FRMD4B: variants seen among roughly 807,000 people sequenced by gnomAD.
The protein encoded by FRMD4B is FERM domain-containing protein 4B.
Under a neutral mutation model 141.5 loss-of-function variants are expected in FRMD4B, and 74 were observed. The ratio of observed to expected loss-of-function variants is 0.52; its 90% CI spans 0.43 to 0.63. The LOEUF is 0.63. Among genes scored for constraint, FRMD4B ranks in the 30% least tolerant of loss-of-function variants. The probability of loss-of-function intolerance (pLI) is 0.00; values close to 1 mark genes in which losing one functional copy is unlikely to be tolerated. For synonymous variants in FRMD4B, 506 were observed against 467.9 expected, an observed-to-expected ratio of 1.08 and a Z score of -1.05; for missense variants, 1,366 against 1,253.4, an observed-to-expected ratio of 1.09 and a Z score of -1.36.
intron 1 of FRMD4B, among the ~76,000 whole-genome samples, chr3:69,318,398 T>A (rs1396788428): frequency 6.6e-6 from 1 of 152,004 alleles, no homozygotes; most frequent in Admixed American, 6.5e-5. Context: ...GAGAAAGTCA[T>A]CTACTCATAA....
chr3:69,276,528 GC>G (rs1479626590), intron 5 of FRMD4B, among the ~76,000 whole-genome samples: 45 of 152,218 alleles, frequency 3.0e-4, no homozygotes, highest in African/African-American at 1.0e-3. Flanking sequence ...CCTGTCCTCA[GC>G]CTCCCAAAGT....
intron 1 of FRMD4B, among the ~76,000 whole-genome samples, chr3:69,367,972 G>T (rs1214986006): frequency 6.6e-6 from 1 of 152,080 alleles, no homozygotes; most frequent in East Asian, 1.9e-4. Flanking sequence ...CTTATTTTAG[G>T]TAATTTCACC....
At chr3:69,281,202 C>T (rs7634278) in intron 5 of FRMD4B, among the ~76,000 whole-genome samples, 112,548 of 151,964 alleles carry the variant, frequency 0.74, 42,036 homozygotes, top group East Asian at 0.97. Context: ...CCAAAAGTGC[C>T]GGGATTACAG....
chr3:69,478,164 T>C (rs1706035982), intron 1 of FRMD4B, among the ~76,000 whole-genome samples: 1 of 152,184 alleles, frequency 6.6e-6, no homozygotes, highest in Non-Finnish European at 1.5e-5. Flanking sequence ...AGCTCCTGGA[T>C]TTATTGATTT....
chr3:69,457,184 T>C (rs1457724388), intron 1 of FRMD4B, among the ~76,000 whole-genome samples: 2 of 152,242 alleles, frequency 1.3e-5, no homozygotes, highest in Non-Finnish European at 2.9e-5. Context: ...TATTCATGTT[T>C]ACCAATACAG....
chr3:69,440,785 G>A (rs1705330730), intron 1 of FRMD4B, among the ~76,000 whole-genome samples: 1 of 152,062 alleles, frequency 6.6e-6, no homozygotes, highest in African/African-American at 2.4e-5. Flanking sequence ...TCCAGCCTTG[G>A]CAACAGAGCA....
intron 5 of FRMD4B, among the ~76,000 whole-genome samples, chr3:69,269,520 T>TC (rs1421402328): frequency 4.6e-5 from 7 of 152,150 alleles, no homozygotes; most frequent in South Asian, 2.1e-4. Flanking sequence ...GATACCCGCT[T>TC]CCCCCATGTC....
intron 7 of FRMD4B, among the ~76,000 whole-genome samples, chr3:69,237,548 T>A (rs1334849863): frequency 6.6e-6 from 1 of 152,194 alleles, no homozygotes; most frequent in African/African-American, 2.4e-5. Flanking sequence ...GGTGTGAGCA[T>A]GCAAAGAAGG....
intron 1 of FRMD4B, among the ~76,000 whole-genome samples, chr3:69,434,730 A>T (rs1018454513): frequency 2.0e-5 from 3 of 152,220 alleles, no homozygotes; most frequent in Admixed American, 6.5e-5. Context: ...TACTTGTGAT[A>T]TTGGGTATCT....
At chr3:69,248,860 T>A (rs2106773156) in intron 7 of FRMD4B, among the ~76,000 whole-genome samples, 1 of 152,378 alleles carries the variant, frequency 6.6e-6, no homozygotes, top group East Asian at 1.9e-4. Flanking sequence ...GGATTTAATC[T>A]TTTTGTGCAT....
chr3:69,323,608 GTATATATATATATATATATATA>G (rs55847019), intron 1 of FRMD4B, among the ~76,000 whole-genome samples: 3,213 of 101,668 alleles, frequency 0.032, 103 homozygotes, highest in African/African-American at 0.051. Context: ...CTCTCTCTGT[GTATATATATATATATATATATA>G]TATATATATA....
chr3:69,358,418 T>C (rs545078398), intron 1 of FRMD4B, among the ~76,000 whole-genome samples: 5 of 152,180 alleles, frequency 3.3e-5, no homozygotes, highest in African/African-American at 9.7e-5. Context: ...TGTTAAAATT[T>C]GATTGCCATT....
intron 1 of FRMD4B, among the ~76,000 whole-genome samples, chr3:69,339,688 A>C (rs151126444): frequency 4.7e-4 from 72 of 152,344 alleles, no homozygotes; most frequent in African/African-American, 1.7e-3. Context: ...AAAAGGCAGA[A>C]AACATTTCGA....
At chr3:69,348,792 T>G (rs1425579875) in intron 1 of FRMD4B, among the ~76,000 whole-genome samples, 1 of 152,258 alleles carries the variant, frequency 6.6e-6, no homozygotes, top group Non-Finnish European at 1.5e-5. Context: ...CAGCCCTTTA[T>G]GCTAAAAACT....
intron 1 of FRMD4B, among the ~76,000 whole-genome samples, chr3:69,359,239 G>T (rs187063392): frequency 2.0e-5 from 3 of 152,262 alleles, no homozygotes; most frequent in East Asian, 3.9e-4. Flanking sequence ...TGATAAAGAG[G>T]GGTGGAGAAC....
intron 1 of FRMD4B, among the ~76,000 whole-genome samples, chr3:69,496,897 GT>G (rs35533037): frequency 4.0e-5 from 6 of 149,526 alleles, no homozygotes; most frequent in Admixed American, 6.7e-5. Context: ...TGCTATGGTA[GT>G]TTTTTTTTTA....
intron 1 of FRMD4B, among the ~76,000 whole-genome samples, chr3:69,474,180 T>C (rs1387277673): frequency 6.6e-6 from 1 of 152,166 alleles, no homozygotes; most frequent in African/African-American, 2.4e-5. Context: ...GAATCTTGAA[T>C]ACATGTGACA....
At chr3:69,311,741 T>A (rs925798908) in intron 2 of FRMD4B, among the ~76,000 whole-genome samples, 11 of 152,122 alleles carry the variant, frequency 7.2e-5, no homozygotes, top group African/African-American at 2.7e-4. Context: ...TATAAAAGAT[T>A]GCAGGAAACA....
intron 1 of FRMD4B, among the ~76,000 whole-genome samples, chr3:69,477,075 G>A (rs1377105178): frequency 4.9e-4 from 75 of 152,080 alleles, no homozygotes; most frequent in African/African-American, 1.7e-3. Flanking sequence ...ACTTTGCTGA[G>A]GTTGCTTACC....
Sources: gnomAD v4.1 joint callset for allele counts (sites outside exome capture counted in the v4.1 genomes callset) on GRCh38, gnomAD v4.1.1 for gene constraint, MANE v1.5 for transcripts, NCBI Gene and HGNC (gene_info 2026-07-23, HGNC 2026-07-21) for gene names.